Variants in SEPTIN4 observed in about 807,000 individuals in gnomAD.
The protein encoded by SEPTIN4 is septin-4.
Under a neutral mutation model 107.1 loss-of-function variants are expected in SEPTIN4, and 52 were observed. The ratio of observed to expected loss-of-function variants is 0.49; its 90% CI spans 0.39 to 0.61. SEPTIN4 has a LOEUF of 0.61. Ranked by LOEUF, SEPTIN4 falls within the 20% of genes least tolerant of loss-of-function variation. The pLI, the probability that SEPTIN4 is intolerant of heterozygous loss-of-function variation, is 0.00. For missense variants in SEPTIN4, 1,048 were observed against 1,243.5 expected (o/e 0.84, Z 2.36); for synonymous variants, 417 against 467.0 (o/e 0.89, Z 1.38).
Position 58,520,373 on chromosome 17 carries a change from G to T in SEPTIN4, c.*53C>A. 1 of 1,568,160 alleles carries T rather than the reference G, an allele frequency of 6.4e-7. No homozygotes were observed. Among genetic ancestry groups the T allele is most frequent in the South Asian group, 1.1e-5 (1 of 88,556 alleles). On this transcript the variant is annotated 3_prime_UTR_variant, in exon 14 of 14. Coordinates refer to ENST00000672673, the MANE Select transcript of SEPTIN4 (RefSeq NM_001368771.2). ...AGCAGAGCTGGTGCTGGGAGGGGCCGGCATGGACAGGAAGAAGAGGAGGAG... is the reference window on the plus strand; with the variant it reads ...AGCAGAGCTGGTGCTGGGAGGGGCCTGCATGGACAGGAAGAAGAGGAGGAG...
Position 58,526,666 on chromosome 17 carries a change from G to GA in SEPTIN4, c.1911+15_1911+16insT, listed in dbSNP as rs765123415. On this transcript the variant is annotated intron_variant, in intron 4 of 13. Transcript: ENST00000672673. ...AGCAGCCCACTGAAAGGCAAAGGCA[G>GA]GGCTGGAGGCTCTACCTCAGAGGAA... The GA allele has an allele frequency of 6.5e-7, 1 of 1,548,188 alleles. No individual in the cohort carries two copies. Among genetic ancestry groups the GA allele is most frequent in the Non-Finnish European group, 8.7e-7 (1 of 1,153,060 alleles).
chr17:58,534,998 T>G (rs2043659348), intron 3 of SEPTIN4, among the ~76,000 whole-genome samples: 1 of 152,182 alleles, frequency 6.6e-6, no homozygotes, highest in Non-Finnish European at 1.5e-5. Flanking sequence ...TTCCCTAAAG[T>G]GGCGCAAGAA....
chr17:58,526,129 C>CTGCG, intron 5 of SEPTIN4, 91 bp downstream of exon 5: 2 of 1,446,810 alleles, frequency 1.4e-6, no homozygotes, highest in Non-Finnish European at 1.8e-6. Flanking sequence ...TGCTTGCTCC[C>CTGCG]TGCGACCTAT....
At chr17:58,526,426 C>A in intron 4 of SEPTIN4, 113 bp from the exon 5 acceptor site, 1 of 1,381,538 alleles carries the variant, frequency 7.2e-7, no homozygotes, top group Non-Finnish European at 9.4e-7. Flanking sequence ...AAAAGCAGTG[C>A]CAGACTTCTG....
chr17:58,534,457 AG>A (rs1306371444), intron 3 of SEPTIN4, among the ~76,000 whole-genome samples: 1 of 152,228 alleles, frequency 6.6e-6, no homozygotes, highest in Non-Finnish European at 1.5e-5. Context: ...TGATGGAGGC[AG>A]GGTCTAATAC....
rs1356331323 is a variant in SEPTIN4 at position 58,526,308 on chromosome 17, G to A, written c.1917C>T (p.Asp639=). The stretch of plus-strand genomic sequence containing the variant: ...GGGTTGCAAAGCCCACATACTCCTT[G>A]TCATCCTAGTAGACAGGAAGGCAGA... ...KLDPYDSSED[D]KEYVGFATLP... Residue 639 remains aspartate (D), a synonymous_variant, in exon 5 of 14, where the codon GAC becomes GAT. Transcript: ENST00000672673. The A allele has an allele frequency of 1.3e-6, 2 of 1,583,970 alleles. No homozygotes were observed. Among genetic ancestry groups the A allele is most frequent in the Non-Finnish European group, 1.7e-6 (2 of 1,165,508 alleles).
Position 58,543,867 on chromosome 17 carries a change from T to C in SEPTIN4, c.320A>G (p.Gln107Arg). 6.2e-7 allele frequency: 1 copy of C among 1,614,174 alleles called. No individual in the cohort carries two copies. The highest frequency in any genetic ancestry group is 8.5e-7 in the Non-Finnish European group (1 of 1,180,020). Reference protein sequence around the residue: ...SRHSSPHLKSQKTQTLASHAS... With the variant: ...SRHSSPHLKSRKTQTLASHAS... ...ATGGGAAGCCAGTGTCTGAGTCTTCTGGCTCTTTAGATGGGGAGAGGAATG... is the reference window on the plus strand; with the variant it reads ...ATGGGAAGCCAGTGTCTGAGTCTTCCGGCTCTTTAGATGGGGAGAGGAATG... Residue 107 changes from glutamine to arginine, a missense_variant, in exon 1 of 14, where the codon CAG (glutamine) becomes CGG (arginine). Gln to Arg is a conservative substitution (Grantham distance 43, BLOSUM62 1). This residue lies in a region of SEPTIN4 where 787 missense variants were observed against 871.8 expected (regional missense o/e 0.90). Coordinates refer to ENST00000672673, the MANE Select transcript of SEPTIN4 (RefSeq NM_001368771.2).
rs773690326 is a variant in SEPTIN4 at position 58,543,842 on chromosome 17, A to G, written c.345T>C (p.His115=). 67 of 1,613,980 alleles carry G rather than the reference A, an allele frequency of 4.2e-5. No homozygotes were observed. The highest frequency in any genetic ancestry group is 5.5e-5 in the Non-Finnish European group (65 of 1,180,034). ...KSQKTQTLAS[H]ASSRQWKVSP... is the part of the protein sequence containing the mutation. The stretch of plus-strand genomic sequence containing the variant: ...TAACTTTCCATTGTCTGCTTGAAGC[A>G]TGGGAAGCCAGTGTCTGAGTCTTCT... The change falls in exon 1 of 14, where the codon CAT becomes CAC. Residue 115 remains histidine, a synonymous_variant. Coordinates refer to ENST00000672673, the MANE Select transcript of SEPTIN4 (RefSeq NM_001368771.2).
chr17:58,525,833 A>G, intron 5 of SEPTIN4, 52 bp from the exon 6 acceptor site: 1 of 1,459,702 alleles, frequency 6.9e-7, no homozygotes, highest in Non-Finnish European at 9.6e-7. Context: ...ATCTATAGCC[A>G]AAAAGCAACT....
intron 3 of SEPTIN4, chr17:58,529,127 C>T (rs554385201): frequency 6.2e-7 from 1 of 1,614,204 alleles, no homozygotes; most frequent in Admixed American, 1.7e-5. Context: ...CAGCTTCAGT[C>T]CTGTCCTCAG....
chr17:58,537,072 A>G (rs2043737701), intron 3 of SEPTIN4, among the ~76,000 whole-genome samples: 2 of 152,232 alleles, frequency 1.3e-5, no homozygotes, highest in Admixed American at 6.5e-5. Context: ...ATTCTTCCCT[A>G]TGTGGGACTA....
intron 2 of SEPTIN4, chr17:58,541,638 C>T: frequency 1.3e-6 from 1 of 783,680 alleles, no homozygotes; most frequent in Non-Finnish European, 2.0e-6. Flanking sequence ...GATAGATGAC[C>T]AACTAAGCTG....
chr17:58,543,328 C>A lies in SEPTIN4; in HGVS notation c.859G>T (p.Val287Phe). Residue 287 changes from valine to phenylalanine, a missense_variant, in exon 1 of 14, where the codon GTT (valine) becomes TTT (phenylalanine). Coordinates refer to ENST00000672673, the MANE Select transcript of SEPTIN4 (RefSeq NM_001368771.2). ...VLKDSDGVHR[V>F]SARVDPESLH... ...GACTCAGGGTCTACCCGTGCAGAAA[C>A]TCGGTGTACACCATCAGAATCTTTA... 1 of 1,614,204 alleles carries A rather than the reference C, an allele frequency of 6.2e-7. No individual in the cohort carries two copies. The highest frequency in any genetic ancestry group is 8.5e-7 in the Non-Finnish European group (1 of 1,180,038).
intron 3 of SEPTIN4, chr17:58,527,518 C>A (rs1210291334): frequency 8.3e-6 from 2 of 242,236 alleles, no homozygotes; most frequent in Non-Finnish European, 1.6e-5. Flanking sequence ...CCTGTCACTA[C>A]TGGTGAGCTG....
chr17:58,539,315 A>G (rs1567977023), intron 3 of SEPTIN4: 1 of 636,328 alleles, frequency 1.6e-6, no homozygotes, highest in East Asian at 3.0e-5. Flanking sequence ...AAGGGGATGA[A>G]GGTGGGGGAG....
At chr17:58,539,482 C>T (rs922243496) in intron 3 of SEPTIN4, among the ~76,000 whole-genome samples, 7 of 152,152 alleles carry the variant, frequency 4.6e-5, no homozygotes, top group Non-Finnish European at 1.0e-4. Flanking sequence ...TAACCTGATC[C>T]GCTACCCATC....
At chr17:58,540,549 C>CCATA in intron 3 of SEPTIN4, 117 bp downstream of exon 3, 1 of 791,044 alleles carries the variant, frequency 1.3e-6, no homozygotes, top group Non-Finnish European at 1.7e-6. Context: ...ATCTGCCCAA[C>CCATA]CATAGGGAGC....
intron 3 of SEPTIN4, chr17:58,530,841 G>T (rs1598302727): frequency 6.6e-6 from 1 of 152,386 alleles, no homozygotes; most frequent in African/African-American, 2.4e-5. Flanking sequence ...TCCTGGCCAA[G>T]GCTTGGGCCT....
intron 3 of SEPTIN4, chr17:58,530,322 C>A (rs1465188298): frequency 6.6e-6 from 1 of 152,256 alleles, no homozygotes; most frequent in East Asian, 1.9e-4. Flanking sequence ...TCCCAAGTCA[C>A]AGGATGGTCA....
Sources: gnomAD v4.1 joint callset for allele counts (sites outside exome capture counted in the v4.1 genomes callset) on GRCh38, gnomAD v4.1.1 for gene constraint, gnomAD v4.1.1 regional missense constraint, MANE v1.5 for transcripts, NCBI Gene and HGNC (gene_info 2026-07-23, HGNC 2026-07-21) for gene names.